CBLB: variants seen among roughly 807,000 people sequenced by gnomAD.
The protein encoded by CBLB is Cbl proto-oncogene B.
A neutral mutation model predicts 104.9 loss-of-function variants in CBLB; 31 were observed. The observed-to-expected ratio is 0.30, with a 90% CI of 0.22 to 0.40. The LOEUF (loss-of-function observed/expected upper bound fraction) is 0.40, where lower values mean the gene tolerates loss of function less well. Among genes scored for constraint, CBLB ranks in the 10% least tolerant of loss-of-function variants. The pLI, the probability that CBLB is intolerant of heterozygous loss-of-function variation, is 1.00. For synonymous variants in CBLB, 440 were observed against 422.6 expected (o/e 1.04, Z -0.51); for missense variants, 1,062 against 1,214.6 (o/e 0.87, Z 1.87).
At chr3:105,704,244 T>C (rs1548056) in intron 10 of CBLB, 71 bp from the exon 11 acceptor site, 1,416,713 of 1,420,658 alleles carry the variant, frequency 1, 706,488 homozygotes, top group East Asian at 1. Context: ...TTAAAGAATA[T>C]ATTTGGTTGG....
At chr3:105,730,167 A>C (rs2074157481) in intron 9 of CBLB, among the ~76,000 whole-genome samples, 1 of 152,072 alleles carries the variant, frequency 6.6e-6, no homozygotes, top group Non-Finnish European at 1.5e-5. Flanking sequence ...ATAAAAATGC[A>C]GTCTTACTGC....
In CBLB at chr3:105,665,408, AATAAATAAAT is replaced by A. The variant is rs1263924399; in HGVS notation, c.2689+4815_2689+4824del. ...CTCCAAAAAAATAAATAAATAAATA[AATAAATAAAT>A]ATATATATATATATATATATATATA... On this transcript the variant is annotated intron_variant, in intron 18 of 18. Transcript: ENST00000394030. 2.1e-4 allele frequency among the ~76,000 whole-genome samples: 11 copies of A among 51,558 alleles called. No individual in the cohort carries two copies. The South Asian group carries it at 5.2e-3, about 24-fold the overall frequency. 33.8% of individuals were successfully genotyped at this position (51,558 alleles called of 152,430 possible). A position where few individuals can be genotyped will look rare whatever the true frequency, so the allele number is the denominator to read the frequency against.
intron 3 of CBLB, among the ~76,000 whole-genome samples, chr3:105,818,744 T>C (rs1184310826): frequency 6.6e-6 from 1 of 152,132 alleles, no homozygotes; most frequent in African/African-American, 2.4e-5. Context: ...AGCATACAGA[T>C]GTTCAGAAAA....
chr3:105,783,374 T>C (rs2080526237), intron 3 of CBLB, among the ~76,000 whole-genome samples: 1 of 152,174 alleles, frequency 6.6e-6, no homozygotes, highest in African/African-American at 2.4e-5. Flanking sequence ...GCATTTCTTC[T>C]TTTTCCATAT....
chr3:105,868,036 T>C (rs1706359621), intron 1 of CBLB: 1 of 488,752 alleles, frequency 2.0e-6, no homozygotes, highest in African/African-American at 2.0e-5. Context: ...AACTTCACTT[T>C]CACTCTGTTA....
In CBLB at chr3:105,770,231, T is replaced by C. The variant is rs571871084; in HGVS notation, c.566+6165A>G. Reference sequence around the variant, plus strand: ...TTAGGAAAACAGAATCCACAGACCCTGTGAAAGAATTGGGAGGCTATAGCC... The same window carrying C: ...TTAGGAAAACAGAATCCACAGACCCCGTGAAAGAATTGGGAGGCTATAGCC... On this transcript the variant is annotated intron_variant, in intron 4 of 18. Coordinates refer to ENST00000394030, the MANE Select transcript of CBLB (RefSeq NM_170662.5). Among the ~76,000 whole-genome samples, 204 of 152,226 alleles carry C rather than the reference T, an allele frequency of 1.3e-3. 1 individual carries two copies. Among genetic ancestry groups the C allele is most frequent in the African/African-American group, 4.7e-3 (194 of 41,536 alleles).
intron 10 of CBLB, among the ~76,000 whole-genome samples, chr3:105,710,315 C>G (rs2070879628): frequency 6.6e-6 from 1 of 151,830 alleles, no homozygotes; most frequent in African/African-American, 2.4e-5. Flanking sequence ...TCTCTCTAAT[C>G]TTAAGACAAA....
At chr3:105,670,406 G>A in intron 17 of CBLB, 54 bp from the exon 18 acceptor site, 1 of 1,444,298 alleles carries the variant, frequency 6.9e-7, no homozygotes, top group South Asian at 1.2e-5. Flanking sequence ...TTGATTGGCT[G>A]AAGAAAAAAA....
intron 3 of CBLB, among the ~76,000 whole-genome samples, chr3:105,808,360 T>C (rs1037403446): frequency 6.6e-6 from 1 of 152,204 alleles, no homozygotes; most frequent in Non-Finnish European, 1.5e-5. Flanking sequence ...TGTGTTTCTC[T>C]AAGGACCTGT....
In CBLB at chr3:105,658,664, T is replaced by A. The variant is rs1019992162; in HGVS notation, c.*306A>T. On this transcript the variant is annotated 3_prime_UTR_variant, in exon 19 of 19. Coordinates refer to ENST00000394030, the MANE Select transcript of CBLB (RefSeq NM_170662.5). ...TAAAAACAAGAACAAACTGCAACTT[T>A]GCCAAACTGTAAACAAGGTAAAGCA... The A allele has an allele frequency of 6.9e-6, 3 of 432,778 alleles. No individual in the cohort carries two copies. The highest frequency in any genetic ancestry group is 7.6e-5 in the Admixed American group (2 of 26,358). The allele number at this position is 432,778 out of a possible 1,614,324, so 26.8% of individuals were successfully genotyped here.
chr3:105,713,028 G>A (rs2152809973), intron 10 of CBLB, among the ~76,000 whole-genome samples: 1 of 152,236 alleles, frequency 6.6e-6, no homozygotes, highest in African/African-American at 2.4e-5. Context: ...CTGGCACTTT[G>A]GGAGGCCGAA....
chr3:105,777,903 G>T (rs539485892), intron 3 of CBLB, among the ~76,000 whole-genome samples: 2 of 151,892 alleles, frequency 1.3e-5, no homozygotes, highest in African/African-American at 4.8e-5. Context: ...TACGTTAATC[G>T]GCATAAAACT....
chr3:105,726,247 T>C (rs754907577), intron 9 of CBLB, among the ~76,000 whole-genome samples: 10 of 152,370 alleles, frequency 6.6e-5, no homozygotes, highest in Non-Finnish European at 1.3e-4. Flanking sequence ...TCTCTACATA[T>C]GGAACATCTA....
intron 3 of CBLB, among the ~76,000 whole-genome samples, chr3:105,841,353 T>G (rs535293478): frequency 6.6e-6 from 1 of 152,068 alleles, no homozygotes; most frequent in African/African-American, 2.4e-5. Flanking sequence ...ACAGTTGTTC[T>G]GGAGATCACA....
intron 13 of CBLB, among the ~76,000 whole-genome samples, chr3:105,688,845 C>A (rs946877351): frequency 6.6e-6 from 1 of 152,088 alleles, no homozygotes; most frequent in Non-Finnish European, 1.5e-5. Context: ...GGTATACTAT[C>A]AAGCTTTAAG....
intron 12 of CBLB, among the ~76,000 whole-genome samples, chr3:105,701,434 T>G (rs148119517): frequency 1.3e-5 from 2 of 152,222 alleles, no homozygotes; most frequent in East Asian, 3.9e-4. Flanking sequence ...TAACACAACT[T>G]GTAAAAATTG....
chr3:105,732,363 T>C (rs1396952530), intron 9 of CBLB, among the ~76,000 whole-genome samples: 1 of 152,256 alleles, frequency 6.6e-6, no homozygotes, highest in East Asian at 1.9e-4. Flanking sequence ...ATCAAGTATC[T>C]ATGTTGAGAA....
chr3:105,814,161 C>T (rs1206592598), intron 3 of CBLB, among the ~76,000 whole-genome samples: 3 of 152,010 alleles, frequency 2.0e-5, no homozygotes, highest in Non-Finnish European at 2.9e-5. Context: ...ACTCAAAATC[C>T]GAATAGAATT....
At chr3:105,793,709 G>A (rs779488964) in intron 3 of CBLB, among the ~76,000 whole-genome samples, 4 of 152,054 alleles carry the variant, frequency 2.6e-5, no homozygotes, top group Non-Finnish European at 5.9e-5. Flanking sequence ...CCAGTTCCAC[G>A]TCACAAATGG....
Sources: gnomAD v4.1 joint callset for allele counts (sites outside exome capture counted in the v4.1 genomes callset) on GRCh38, gnomAD v4.1.1 for gene constraint, MANE v1.5 for transcripts, NCBI Gene and HGNC (gene_info 2026-07-23, HGNC 2026-07-21) for gene names.